Variants in MYO5A observed in about 807,000 individuals in gnomAD.
MYO5A encodes unconventional myosin-Va.
MYO5A carries 98 observed loss-of-function variants against 249.7 expected under a neutral mutation model. The ratio of observed to expected loss-of-function variants is 0.39; its 90% confidence interval spans 0.33 to 0.46. MYO5A has a LOEUF of 0.46. MYO5A is among the 20% of genes least tolerant of loss of function. The pLI, the probability that MYO5A is intolerant of heterozygous loss-of-function variation, is 0.98. For synonymous variants in MYO5A, 778 were observed against 810.6 expected (o/e 0.96, Z 0.68); for missense variants, 1,696 against 2,308.8 (o/e 0.73, Z 5.44).
Position 52,407,411 on chromosome 15 carries a change from A to G in MYO5A, c.839-12T>C. 1.2e-5 allele frequency: 19 copies of G among 1,602,296 alleles called. No individual in the cohort carries two copies. The highest frequency in any genetic ancestry group is 1.6e-5 in the Non-Finnish European group (19 of 1,169,336). On this transcript the variant is annotated splice_polypyrimidine_tract_variant and intron_variant, in intron 7 of 41. Transcript: ENST00000399233. The stretch of plus-strand genomic sequence containing the variant: ...GTTATCTGCATTTCCTGTAATGAAG[A>G]AAAATAAAAATTTTCTGGTTTATGA...
At chr15:52,408,287 T>C in intron 6 of MYO5A, 147 bp from the exon 7 acceptor site, 1 of 614,932 alleles carries the variant, frequency 1.6e-6, no homozygotes, top group East Asian at 2.8e-5. Flanking sequence ...TTTCTGATTA[T>C]TAAATCTTAT....
intron 22 of MYO5A, among the ~76,000 whole-genome samples, chr15:52,368,380 G>T (rs773876348): frequency 6.6e-6 from 1 of 152,074 alleles, no homozygotes; most frequent in South Asian, 2.1e-4. Context: ...ATCACCTATG[G>T]TACTTTTTCA....
chr15:52,354,571 G>C (rs1159939155), intron 25 of MYO5A, among the ~76,000 whole-genome samples: 1 of 152,162 alleles, frequency 6.6e-6, no homozygotes, highest in Non-Finnish European at 1.5e-5. Context: ...AAAGAATGAA[G>C]TAGGCCGGGC....
chr15:52,497,177 G>C (rs1225070026), intron 1 of MYO5A, among the ~76,000 whole-genome samples: 2 of 152,030 alleles, frequency 1.3e-5, no homozygotes, highest in African/African-American at 4.8e-5. Flanking sequence ...GCCTAGGCTG[G>C]TCTCAAACTC....
At chr15:52,482,261 T>A (rs1051230487) in intron 1 of MYO5A, among the ~76,000 whole-genome samples, 16 of 152,210 alleles carry the variant, frequency 1.1e-4, no homozygotes, top group African/African-American at 3.6e-4. Flanking sequence ...AAACCAAGTA[T>A]CTGTGACTCT....
At chr15:52,338,168 C>A (rs1357408085) in intron 32 of MYO5A, among the ~76,000 whole-genome samples, 1 of 151,884 alleles carries the variant, frequency 6.6e-6, no homozygotes, top group Non-Finnish European at 1.5e-5. Context: ...CCTCCTCCAA[C>A]CTCCTGCCTT....
intron 23 of MYO5A, among the ~76,000 whole-genome samples, chr15:52,366,487 T>G (rs938810540): frequency 6.6e-6 from 1 of 151,968 alleles, no homozygotes; most frequent in African/African-American, 2.4e-5. Context: ...GGATTCCTTA[T>G]AAACTTATCA....
At chr15:52,313,905 T>G in intron 41 of MYO5A, 57 bp from the exon 42 acceptor site, 3 of 1,585,178 alleles carry the variant, frequency 1.9e-6, no homozygotes, top group Non-Finnish European at 2.6e-6. Context: ...TCTAAAAGAC[T>G]TTTTTCTACT....
rs373951479 is a variant in MYO5A, at chr15:52,463,148, C to T, written c.28-29863G>A. 1.9e-4 allele frequency among the ~76,000 whole-genome samples: 29 copies of T among 152,242 alleles called. No individual in the cohort carries two copies. The East Asian group carries it at 5.0e-3, about 26-fold the overall frequency. On this transcript the variant is annotated intron_variant, in intron 1 of 41. Transcript: ENST00000399233. ...GAGTGACAGGTACTCCAACTGTATA[C>T]GCTGAGAGGGTATTTTGAGAGAAAA...
At chr15:52,321,960 CAG>C (rs764816653) in intron 37 of MYO5A, among the ~76,000 whole-genome samples, 21 of 152,086 alleles carry the variant, frequency 1.4e-4, no homozygotes, top group Non-Finnish European at 2.4e-4. Context: ...CCGATTTCTA[CAG>C]AGACTAGTGA....
chr15:52,521,685 A>T (rs959062581), intron 1 of MYO5A, among the ~76,000 whole-genome samples: 1 of 152,376 alleles, frequency 6.6e-6, no homozygotes, highest in South Asian at 2.1e-4. Context: ...AATTGGCAAA[A>T]AGCCTTTGCT....
At chr15:52,314,091 G>C in intron 41 of MYO5A, 32 bp downstream of exon 41, 3 of 1,520,262 alleles carry the variant, frequency 2.0e-6, no homozygotes, top group Non-Finnish European at 9.1e-7. Flanking sequence ...AGACTGTGTT[G>C]GTGAATCAAA....
intron 1 of MYO5A, among the ~76,000 whole-genome samples, chr15:52,484,204 T>C (rs753552598): frequency 6.6e-6 from 1 of 152,212 alleles, no homozygotes; most frequent in African/African-American, 2.4e-5. Context: ...TTGTAGCAAG[T>C]TGAACGTATT....
At chr15:52,388,511 G>C (rs1168163745) in intron 13 of MYO5A, among the ~76,000 whole-genome samples, 2 of 152,122 alleles carry the variant, frequency 1.3e-5, no homozygotes, top group African/African-American at 4.8e-5. Flanking sequence ...GGTGGCCCTA[G>C]GGTCATCTCA....
At chr15:52,469,453 C>A (rs559464822) in intron 1 of MYO5A, among the ~76,000 whole-genome samples, 1 of 152,072 alleles carries the variant, frequency 6.6e-6, no homozygotes, top group Non-Finnish European at 1.5e-5. Flanking sequence ...AAGGTGTTCA[C>A]CTTGTCATCT....
chr15:52,338,055 A>G lies in MYO5A; in HGVS notation c.4240-171T>C, dbSNP rs140225953. ...TTACCCTTTTATCTTTCTAGTATAG[A>G]TTATTCTAATTACATATGTACAGAT... On this transcript the variant is annotated intron_variant, in intron 32 of 41. Transcript: ENST00000399233. Among the ~76,000 whole-genome samples, 69 of 152,280 alleles carry G rather than the reference A, an allele frequency of 4.5e-4. 2 individuals are homozygous for G. The East Asian group carries it at 7.1e-3, about 16-fold the overall frequency.
At chr15:52,500,136 C>A (rs1478281970) in intron 1 of MYO5A, among the ~76,000 whole-genome samples, 4 of 152,120 alleles carry the variant, frequency 2.6e-5, no homozygotes, top group African/African-American at 9.7e-5. Context: ...TATCACCACC[C>A]GTGCACAAGA....
intron 4 of MYO5A, among the ~76,000 whole-genome samples, chr15:52,423,520 C>T (rs1222842852): frequency 6.7e-6 from 1 of 150,260 alleles, no homozygotes; most frequent in Non-Finnish European, 1.5e-5. Context: ...CCACTGCACT[C>T]CAGCTTGGGT....
rs1407723276 is a variant in MYO5A, at chr15:52,319,158, C to T, written c.5136G>A (p.Gln1712=). ...TGATGTAGAACATCTGCTTGACCAC[C>T]TGCTTGATCAGTTCAGGGTCCATGC... ...QHGMDPELIK[Q]VVKQMFYIIG... The change falls in exon 39 of 42, where the codon CAG becomes CAA. Residue 1712 remains glutamine (Q), a synonymous_variant. Transcript: ENST00000399233. 6.2e-7 allele frequency: 1 copy of T among 1,614,186 alleles called. No homozygotes were observed. Among genetic ancestry groups the T allele is most frequent in the South Asian group, 1.1e-5 (1 of 91,072 alleles).
Sources: gnomAD v4.1 joint callset for allele counts (sites outside exome capture counted in the v4.1 genomes callset) on GRCh38, gnomAD v4.1.1 for gene constraint, MANE v1.5 for transcripts, NCBI Gene and HGNC (gene_info 2026-07-23, HGNC 2026-07-21) for gene names.